Variants in SPATA9 observed in about 807,000 individuals in gnomAD.
SPATA9 encodes spermatogenesis associated 9.
Under a neutral mutation model 25.5 loss-of-function variants are expected in SPATA9, and 27 were observed. The ratio of observed to expected loss-of-function variants is 1.06; its 90% confidence interval spans 0.78 to 1.46. SPATA9 has a LOEUF of 1.46. Among genes scored for constraint, SPATA9 ranks in the 40% most tolerant of loss-of-function variants. The pLI is 0.00. For synonymous variants in SPATA9, 102 were observed against 105.7 expected (o/e 0.97, Z 0.21); for missense variants, 282 against 297.5 (o/e 0.95, Z 0.38).
At position 95,692,897 on chromosome 5, in the gene SPATA9, A is replaced by G. The variant is rs1753925736; in HGVS notation, n.124+5691T>C. On this transcript the variant is annotated intron_variant and non_coding_transcript_variant, in intron 1 of 2. Coordinates refer to the SPATA9 transcript ENST00000379990. ...AAATGTTCTAAATCATACAAAGGAG[A>G]CATATTACTCTAGTCAAATAATGCA... is the stretch of plus-strand genomic sequence containing the variant. Among the ~76,000 whole-genome samples, 4 of 152,182 alleles carry G rather than the reference A, an allele frequency of 2.6e-5. No individual in the cohort carries two copies. In the South Asian group the frequency reaches 8.3e-4, roughly 31 times the overall value.
At chr5:95,677,236 G>C (rs941173572) in intron 2 of SPATA9, among the ~76,000 whole-genome samples, 11 of 152,176 alleles carry the variant, frequency 7.2e-5, no homozygotes, top group Non-Finnish European at 1.2e-4. Flanking sequence ...CTTGACTGGA[G>C]TATAAATTGT....
At chr5:95,715,901 T>C in the SPATA9 span, among the ~76,000 whole-genome samples, 1 of 152,102 alleles carries the variant, frequency 6.6e-6, no homozygotes, top group Non-Finnish European at 1.5e-5. Flanking sequence ...CAATGTAAAA[T>C]ACGGACAAAA....
At chr5:95,731,326 C>T in the SPATA9 span, 2 of 1,083,936 alleles carry the variant, frequency 1.8e-6, no homozygotes, top group African/African-American at 1.7e-5. Flanking sequence ...GGAGGAGCAG[C>T]GGCAGCGGCA....
chr5:95,672,441 C>T (rs942561618), intron 3 of SPATA9, among the ~76,000 whole-genome samples: 1 of 150,008 alleles, frequency 6.7e-6, no homozygotes, highest in Non-Finnish European at 1.5e-5. Context: ...GTTTCACCAC[C>T]AAGGCCAAAA....
At chr5:95,680,120 C>G (rs975321667) in intron 2 of SPATA9, among the ~76,000 whole-genome samples, 10 of 152,088 alleles carry the variant, frequency 6.6e-5, no homozygotes, top group African/African-American at 2.4e-4. Flanking sequence ...GGATGGTCTC[C>G]ATCTCCTGAC....
chr5:95,716,196 C>T, the SPATA9 span, among the ~76,000 whole-genome samples: 4 of 152,194 alleles, frequency 2.6e-5, no homozygotes, highest in African/African-American at 9.7e-5. Flanking sequence ...CTCCAAACCC[C>T]AGAATGGTAG....
At chr5:95,654,817 T>C (rs981092769), downstream of SPATA9, among the ~76,000 whole-genome samples, 1 of 151,038 alleles carries the variant, frequency 6.6e-6, no homozygotes, top group African/African-American at 2.5e-5. Context: ...TTATGAGATC[T>C]CTTTTTTCAT....
chr5:95,668,588 G>A (rs1752048299), intron 3 of SPATA9, among the ~76,000 whole-genome samples: 1 of 152,040 alleles, frequency 6.6e-6, no homozygotes, highest in South Asian at 2.1e-4. Flanking sequence ...TCTCAACCTT[G>A]TTATATTAAT....
chr5:95,682,752 G>T, intron 1 of SPATA9, 42 bp downstream of exon 1: 2 of 1,530,712 alleles, frequency 1.3e-6, no homozygotes, highest in Non-Finnish European at 1.8e-6. Context: ...ATTCCCAATT[G>T]TTCCCACACC....
upstream of SPATA9, among the ~76,000 whole-genome samples, chr5:95,702,503 C>T (rs1341374126): frequency 6.6e-6 from 1 of 152,128 alleles, no homozygotes; most frequent in Non-Finnish European, 1.5e-5. Flanking sequence ...AAATAAGAAC[C>T]AATTTGTCTA....
intron 2 of SPATA9, among the ~76,000 whole-genome samples, chr5:95,677,052 C>G (rs957489735): frequency 8.5e-5 from 13 of 152,204 alleles, no homozygotes; most frequent in Non-Finnish European, 1.8e-4. Context: ...TTCACATCTT[C>G]ATTCAAGAAT....
the SPATA9 span, among the ~76,000 whole-genome samples, chr5:95,728,830 C>T: frequency 3.0e-3 from 457 of 152,184 alleles, 6 homozygotes; most frequent in African/African-American, 0.011. Flanking sequence ...AACAGAATGC[C>T]GTAAAGAAGC....
At chr5:95,717,488 C>G in the SPATA9 span, 1 of 152,148 alleles carries the variant, frequency 6.6e-6, no homozygotes, top group African/African-American at 2.4e-5. Context: ...ACACACACTA[C>G]ACACACACAT....
upstream of SPATA9, among the ~76,000 whole-genome samples, chr5:95,683,832 C>A (rs1036028530): frequency 6.6e-6 from 1 of 152,142 alleles, no homozygotes; most frequent in Non-Finnish European, 1.5e-5. Context: ...CCACCACGCC[C>A]GGCCGACAGC....
the SPATA9 span, among the ~76,000 whole-genome samples, chr5:95,707,688 T>A: frequency 6.6e-6 from 1 of 152,150 alleles, no homozygotes; most frequent in East Asian, 1.9e-4. Context: ...ATCAGTTAAT[T>A]GCATTCTTGG....
At chr5:95,708,351 C>A in the SPATA9 span, among the ~76,000 whole-genome samples, 1 of 152,014 alleles carries the variant, frequency 6.6e-6, no homozygotes, top group Non-Finnish European at 1.5e-5. Context: ...AACATTAAAT[C>A]CTGGGATATG....
At chr5:95,715,053 T>C in the SPATA9 span, among the ~76,000 whole-genome samples, 33 of 152,232 alleles carry the variant, frequency 2.2e-4, no homozygotes, top group East Asian at 1.5e-3. Context: ...TGGCCGGGTG[T>C]GGTGGCTAAT....
At chr5:95,668,539 G>T (rs1384686721) in intron 3 of SPATA9, among the ~76,000 whole-genome samples, 1 of 152,112 alleles carries the variant, frequency 6.6e-6, no homozygotes, top group Non-Finnish European at 1.5e-5. Context: ...TTGGTAAGTG[G>T]CAGTCTTTAG....
chr5:95,698,311 A>G (rs910558120), intron 1 of SPATA9, among the ~76,000 whole-genome samples: 1 of 152,166 alleles, frequency 6.6e-6, no homozygotes, highest in Admixed American at 6.6e-5. Flanking sequence ...GGTCTAGACT[A>G]AAGAGAGGGA....
Sources: allele counts gnomAD v4.1 joint callset (sites outside exome capture counted in the v4.1 genomes callset), GRCh38; gene constraint gnomAD v4.1.1; transcripts MANE v1.5; gene names NCBI Gene and HGNC (gene_info 2026-07-23, HGNC 2026-07-21).